Variants in THOC2 observed in about 807,000 individuals in gnomAD.
THOC2 encodes the protein THO complex subunit 2.
A neutral mutation model predicts 128.4 loss-of-function variants in THOC2; 10 were observed. The ratio of observed to expected loss-of-function variants is 0.08; its 90% CI spans 0.05 to 0.13. The LOEUF is 0.13. Among genes scored for constraint, THOC2 ranks in the 10% least tolerant of loss-of-function variants. The pLI is 1.00. For missense variants in THOC2, 535 were observed against 1,155.7 expected (o/e 0.46, Z 7.79); for synonymous variants, 393 against 396.9 (o/e 0.99, Z 0.12).
At chrX:123,714,974 A>G (rs2147960634) in intron 1 of THOC2, among the ~76,000 whole-genome samples, 1 of 110,079 alleles carries the variant, frequency 9.1e-6, no homozygotes, top group East Asian at 2.8e-4. Flanking sequence ...AATTCATGAG[A>G]TATACCAAAA....
At chrX:123,656,779 G>T in intron 12 of THOC2, among the ~76,000 whole-genome samples, 1 of 111,208 alleles carries the variant, frequency 9.0e-6, no homozygotes, top group South Asian at 3.8e-4. Flanking sequence ...GGAGGCGGAG[G>T]TGGGTAGATC....
intron 12 of THOC2, among the ~76,000 whole-genome samples, chrX:123,658,427 C>T (rs2048696045): frequency 9.0e-6 from 1 of 111,427 alleles, no homozygotes; most frequent in East Asian, 2.8e-4. Context: ...TTCTTGATTG[C>T]CAAAACTTGG....
At chrX:123,618,111 A>G (rs1361824379) in intron 33 of THOC2, among the ~76,000 whole-genome samples, 2 of 111,791 alleles carry the variant, frequency 1.8e-5, no homozygotes, top group Non-Finnish European at 3.8e-5. Flanking sequence ...GAACTCTGTT[A>G]GTATTGTGAC....
intron 12 of THOC2, among the ~76,000 whole-genome samples, chrX:123,662,368 C>T (rs187178323): frequency 0.027 from 2,984 of 110,008 alleles, 104 homozygotes; most frequent in South Asian, 0.2. Context: ...GGGCAGATCA[C>T]GAGGTCAGGA....
Position 123,686,845 on chromosome X carries a change from C to T in THOC2, c.602-131G>A. ...AAAAACAACTTTCTTTACAAATTTGCTTCCTCTCTCCCAGAGGGAAATAAA... is the reference window on the plus strand; with the variant it reads ...AAAAACAACTTTCTTTACAAATTTGTTTCCTCTCTCCCAGAGGGAAATAAA... On this transcript the variant is annotated intron_variant, in intron 7 of 38. Coordinates refer to ENST00000245838, the MANE Select transcript of THOC2 (RefSeq NM_001081550.2). The T allele has an allele frequency of 7.8e-6, 4 of 510,474 alleles. No individual in the cohort carries two copies. The South Asian group carries it at 1.8e-4, about 23-fold the overall frequency. 42.1% of individuals were successfully genotyped at this position (510,474 alleles called of 1,213,427 possible).
At chrX:123,707,042 CATCA>C in intron 2 of THOC2, 93 bp from the exon 3 acceptor site, 1 of 360,349 alleles carries the variant, frequency 2.8e-6, no homozygotes, top group Non-Finnish European at 4.6e-6. Context: ...TTATTATAAA[CATCA>C]ATAATGAAAA....
intron 15 of THOC2, among the ~76,000 whole-genome samples, chrX:123,641,267 A>C (rs1010583104): frequency 8.9e-6 from 1 of 112,171 alleles, no homozygotes; most frequent in Non-Finnish European, 1.9e-5. Context: ...CAGAATCTTA[A>C]ATGCCTCTCC....
At chrX:123,664,995 A>G (rs971234854) in intron 12 of THOC2, among the ~76,000 whole-genome samples, 1 of 111,977 alleles carries the variant, frequency 8.9e-6, no homozygotes, top group African/African-American at 3.2e-5. Context: ...AGTAACCACT[A>G]ATCATAAGGG....
chrX:123,632,544 G>A (rs1367695372), intron 21 of THOC2, among the ~76,000 whole-genome samples: 7 of 107,060 alleles, frequency 6.5e-5, no homozygotes, highest in African/African-American at 2.4e-4. Flanking sequence ...GCACAAGTGG[G>A]CAAGCAAGCA....
At chrX:123,607,090 TA>T (rs1266046932) in intron 38 of THOC2, among the ~76,000 whole-genome samples, 1 of 109,027 alleles carries the variant, frequency 9.2e-6, no homozygotes, top group Non-Finnish European at 1.9e-5. Flanking sequence ...GAAGGAAGGT[TA>T]AAGGCAAAGG....
At chrX:123,719,966 A>G (rs1203469423) in intron 1 of THOC2, among the ~76,000 whole-genome samples, 1 of 110,061 alleles carries the variant, frequency 9.1e-6, no homozygotes, top group Non-Finnish European at 1.9e-5. Context: ...TGGGTAACAA[A>G]GAGACCTCAT....
intron 33 of THOC2, among the ~76,000 whole-genome samples, chrX:123,616,947 CA>C (rs1157859467): frequency 1.8e-5 from 2 of 110,267 alleles, no homozygotes; most frequent in Non-Finnish European, 3.8e-5. Context: ...ACTAAAAAGT[CA>C]AACTAAAGCA....
chrX:123,670,201 T>C (rs1156569699), intron 9 of THOC2, among the ~76,000 whole-genome samples: 2 of 112,542 alleles, frequency 1.8e-5, no homozygotes, highest in African/African-American at 3.2e-5. Context: ...CCTTACTATG[T>C]CACTTAAGCC....
intron 8 of THOC2, among the ~76,000 whole-genome samples, chrX:123,680,486 T>A (rs982740547): frequency 9.1e-6 from 1 of 110,096 alleles, no homozygotes; most frequent in Non-Finnish European, 1.9e-5. Context: ...GAGGCCGGCA[T>A]GGATCCTCCG....
intron 1 of THOC2, among the ~76,000 whole-genome samples, chrX:123,715,104 C>G (rs1197004701): frequency 1.9e-5 from 2 of 104,465 alleles, no homozygotes; most frequent in African/African-American, 7.1e-5. Context: ...ACTGCAGCCT[C>G]GACCTGAGCT....
At chrX:123,724,326 G>A (rs1226102734) in intron 1 of THOC2, among the ~76,000 whole-genome samples, 1 of 111,637 alleles carries the variant, frequency 9.0e-6, no homozygotes. Flanking sequence ...AGTCAACAGA[G>A]TAAACTTTTG....
At chrX:123,680,659 G>C (rs958672428) in intron 8 of THOC2, among the ~76,000 whole-genome samples, 2 of 110,720 alleles carry the variant, frequency 1.8e-5, no homozygotes, top group Non-Finnish European at 3.8e-5. Context: ...ATCTACACTT[G>C]GATGTCTAAG....
chrX:123,725,428 CAAAAAA>C (rs766388135), intron 1 of THOC2, among the ~76,000 whole-genome samples: 1 of 54,895 alleles, frequency 1.8e-5, no homozygotes, highest in African/African-American at 7.0e-5. Flanking sequence ...CCCATCTCTA[CAAAAAA>C]AAAAAAAAAA....
chrX:123,732,309 G>A (rs1461993958), intron 1 of THOC2, among the ~76,000 whole-genome samples: 1 of 112,599 alleles, frequency 8.9e-6, no homozygotes, highest in Non-Finnish European at 1.9e-5. Flanking sequence ...AAATGTCGGT[G>A]GTTCTTCAGG....
Sources: gnomAD v4.1 joint callset for allele counts (sites outside exome capture counted in the v4.1 genomes callset) on GRCh38, gnomAD v4.1.1 for gene constraint, MANE v1.5 for transcripts, NCBI Gene and HGNC (gene_info 2026-07-23, HGNC 2026-07-21) for gene names.